The following KDM2A variants were observed in gnomAD, a reference collection of about 807,000 sequenced individuals.
KDM2A encodes the protein lysine-specific demethylase 2A.
A neutral mutation model predicts 137.3 loss-of-function variants in KDM2A; 3 were observed. The ratio of observed to expected loss-of-function variants is 0.02; its 90% CI spans 0.01 to 0.06. KDM2A has a LOEUF of 0.06. Among genes scored for constraint, KDM2A ranks in the 10% least tolerant of loss-of-function variants. The probability of loss-of-function intolerance (pLI) is 1.00; values close to 1 mark genes in which losing one functional copy is unlikely to be tolerated. For synonymous variants in KDM2A, 512 were observed against 541.5 expected, an observed-to-expected ratio of 0.95 and a Z score of 0.76; for missense variants, 738 against 1,510.6, an observed-to-expected ratio of 0.49 and a Z score of 8.48.
chr11:67,236,743 T>G (rs988317959), intron 12 of KDM2A, among the ~76,000 whole-genome samples: 1 of 152,208 alleles, frequency 6.6e-6, no homozygotes, highest in Non-Finnish European at 1.5e-5. Context: ...AGTAAAATAC[T>G]TAATAAGCAG....
At chr11:67,189,568 G>A (rs534457655) in intron 5 of KDM2A, among the ~76,000 whole-genome samples, 3 of 152,268 alleles carry the variant, frequency 2.0e-5, no homozygotes, top group Admixed American at 2.0e-4. Flanking sequence ...GGCCGGGCGA[G>A]GTGGCTCACG....
intron 2 of KDM2A, among the ~76,000 whole-genome samples, chr11:67,128,685 T>A (rs138708477): frequency 9.8e-4 from 149 of 152,296 alleles, no homozygotes; most frequent in African/African-American, 3.5e-3. Flanking sequence ...GCCCTATTAT[T>A]TTCTGTTGTT....
rs557260977 is a variant in KDM2A at position 67,234,722 on chromosome 11, G to A, written c.1479+2762G>A. Among the ~76,000 whole-genome samples, 14 of 152,302 alleles carry A rather than the reference G, an allele frequency of 9.2e-5. No homozygotes were observed. In the South Asian group the frequency reaches 2.7e-3, roughly 29 times the overall value. On this transcript the variant is annotated intron_variant, in intron 12 of 20. Coordinates refer to ENST00000529006, the MANE Select transcript of KDM2A (RefSeq NM_012308.3). ...TACAAAATTATCCAGGTGTGGTGGT[G>A]TGTGTTTGTGATCCCAGCTACGTGG...
rs114355793 is a variant in KDM2A at position 67,189,375 on chromosome 11, G to A, written c.307+7483G>A. 5.5e-3 allele frequency among the ~76,000 whole-genome samples: 841 copies of A among 152,294 alleles called. 6 individuals carry two copies. Among genetic ancestry groups the A allele is most frequent in the African/African-American group, 0.018 (747 of 41,562 alleles). On this transcript the variant is annotated intron_variant, in intron 5 of 20. Coordinates refer to ENST00000529006, the MANE Select transcript of KDM2A (RefSeq NM_012308.3). ...AACACAGCCTACCAAAACTTATAGG[G>A]ATCAGTGAAAGCAACATTAAAGGAG...
chr11:67,165,851 ACT>A, intron 2 of KDM2A, among the ~76,000 whole-genome samples: 1 of 152,116 alleles, frequency 6.6e-6, no homozygotes, highest in South Asian at 2.1e-4. Context: ...GGTCACTCTT[ACT>A]TCCCCTTTAG....
intron 17 of KDM2A, chr11:67,252,409 TCCCTAACAACTGTTG>T: frequency 2.4e-6 from 1 of 424,866 alleles, no homozygotes. Flanking sequence ...TTGCTATGGG[TCCCTAACAACTGTTG>T]TGTTCTCAAA....
intron 12 of KDM2A, chr11:67,240,203 GC>G (rs1565420131): frequency 1.3e-6 from 2 of 1,534,588 alleles, no homozygotes. Context: ...GGACTGCCCT[GC>G]CCTATGTGCT....
intron 12 of KDM2A, among the ~76,000 whole-genome samples, chr11:67,232,519 G>A (rs1279998065): frequency 1.3e-5 from 2 of 151,954 alleles, no homozygotes; most frequent in Non-Finnish European, 2.9e-5. Flanking sequence ...AAGTTCTAGG[G>A]TACATGTGCA....
chr11:67,195,369 C>CA (rs34494813), intron 5 of KDM2A, among the ~76,000 whole-genome samples: 41,889 of 64,448 alleles, frequency 0.65, 12,775 homozygotes, highest in South Asian at 0.8. Context: ...ACTCCGTCTC[C>CA]AAAAAAAAAA....
chr11:67,209,596 A>G (rs1427314514), intron 6 of KDM2A, among the ~76,000 whole-genome samples: 1 of 151,634 alleles, frequency 6.6e-6, no homozygotes, highest in Admixed American at 6.6e-5. Context: ...GGGACACACC[A>G]CCACACCCGG....
At chr11:67,149,680 G>A (rs1475599714) in intron 2 of KDM2A, among the ~76,000 whole-genome samples, 1 of 148,554 alleles carries the variant, frequency 6.7e-6, no homozygotes, top group Non-Finnish European at 1.5e-5. Context: ...AGAAAAGATA[G>A]TAATCTAATT....
chr11:67,216,029 C>A, intron 8 of KDM2A, 80 bp downstream of exon 8: 1 of 998,876 alleles, frequency 1.0e-6, no homozygotes, highest in Non-Finnish European at 1.6e-6. Context: ...ACTTAATATA[C>A]CCTGGAAATG....
At position 67,254,445 on chromosome 11, in the gene KDM2A, A is replaced by G. The variant is rs1396365638; in HGVS notation, c.3307+27A>G. ...TATGCCGCTACAGTTGTTCATAATC[A>G]GCGGTGCCCCCTGCCTCCAGCCCTC... On this transcript the variant is annotated intron_variant, in intron 20 of 20. Coordinates refer to ENST00000529006, the MANE Select transcript of KDM2A (RefSeq NM_012308.3). This position sits in a 1 kb window ranked among gnomAD's most constrained non-coding sequence, Gnocchi z 4.7. The G allele has an allele frequency of 3.1e-6, 5 of 1,598,604 alleles. No homozygotes were observed. Among genetic ancestry groups the G allele is most frequent in the Middle Eastern group, 1.7e-4 (1 of 6,054 alleles).
chr11:67,198,071 CATG>C (rs1232907926), intron 5 of KDM2A, among the ~76,000 whole-genome samples: 1 of 152,144 alleles, frequency 6.6e-6, no homozygotes, highest in African/African-American at 2.4e-5. Flanking sequence ...TTTTCATCTT[CATG>C]ATGAGTAGGC....
In KDM2A at chr11:67,245,116, A is replaced by C; in HGVS notation, c.1564-73A>C. On this transcript the variant is annotated intron_variant, in intron 13 of 20. Coordinates refer to ENST00000529006, the MANE Select transcript of KDM2A (RefSeq NM_012308.3). This position sits in a 1 kb window ranked among gnomAD's most constrained non-coding sequence, Gnocchi z 4.1. ...GGCCAAGCCCCAGGCTAGGTATGCT[A>C]CCATGTAATCTTCTACCCTATCCAG... 6.5e-7 allele frequency: 1 copy of C among 1,537,662 alleles called. No homozygotes were observed. The highest frequency in any genetic ancestry group is 8.8e-7 in the Non-Finnish European group (1 of 1,132,800).
At position 67,119,486 on chromosome 11, in the gene KDM2A, T is replaced by A. The variant is rs1855547413; in HGVS notation, c.-647T>A. The A allele has an allele frequency of 6.5e-6, 1 of 152,796 alleles. No individual in the cohort carries two copies. Among genetic ancestry groups the A allele is most frequent in the Non-Finnish European group, 1.5e-5 (1 of 68,090 alleles). The allele number at this position is 152,796 out of a possible 1,614,324, so 9.5% of individuals were successfully genotyped here. Reference sequence around the variant, plus strand: ...TCCCCCGGAATCCCTCTTCTGCGACTGGGGAGTAGCCGGGGGGCTCGTCCC... The same window carrying A: ...TCCCCCGGAATCCCTCTTCTGCGACAGGGGAGTAGCCGGGGGGCTCGTCCC... On this transcript the variant is annotated 5_prime_UTR_variant, in exon 1 of 21. Coordinates refer to ENST00000529006, the MANE Select transcript of KDM2A (RefSeq NM_012308.3).
At chr11:67,131,476 A>C (rs983570171) in intron 2 of KDM2A, among the ~76,000 whole-genome samples, 3 of 140,682 alleles carry the variant, frequency 2.1e-5, no homozygotes, top group African/African-American at 8.2e-5. Context: ...TAGTGGTGCG[A>C]TATTGGCTCA....
intron 5 of KDM2A, chr11:67,196,529 G>C (rs918827227): frequency 2.2e-6 from 1 of 453,366 alleles, no homozygotes; most frequent in African/African-American, 2.0e-5. Flanking sequence ...CCATTCACTG[G>C]ATTATTATTT....
At chr11:67,235,887 G>T (rs1458988151) in intron 12 of KDM2A, among the ~76,000 whole-genome samples, 1 of 152,038 alleles carries the variant, frequency 6.6e-6, no homozygotes, top group African/African-American at 2.4e-5. Flanking sequence ...CAAAGTGCTG[G>T]GATTACAGGC....
Sources: gnomAD v4.1 joint callset for allele counts (sites outside exome capture counted in the v4.1 genomes callset) on GRCh38, gnomAD v4.1.1 for gene constraint, Gnocchi (gnomAD v3.1) non-coding constraint, MANE v1.5 for transcripts, NCBI Gene and HGNC (gene_info 2026-07-23, HGNC 2026-07-21) for gene names.